Variants in PCDH15 observed in about 807,000 individuals in gnomAD.
The protein encoded by PCDH15 is protocadherin-15.
PCDH15 carries 129 observed loss-of-function variants against 178.5 expected under a neutral mutation model. The observed-to-expected ratio is 0.72, with a 90% CI of 0.63 to 0.84. PCDH15 has a LOEUF of 0.84. PCDH15 is among the 40% of genes least tolerant of loss of function. The pLI, the probability that PCDH15 is intolerant of heterozygous loss-of-function variation, is 0.00. For missense variants in PCDH15, 2,230 were observed against 2,099.9 expected (o/e 1.06, Z -1.21); for synonymous variants, 800 against 732.0 (o/e 1.09, Z -1.50).
At chr10:54,604,596 C>G (rs557415418) in intron 2 of PCDH15, among the ~76,000 whole-genome samples, 1 of 151,610 alleles carries the variant, frequency 6.6e-6, no homozygotes, top group Non-Finnish European at 1.5e-5. Flanking sequence ...ATTCTGCTTT[C>G]TTTTCATTAC....
chr10:54,268,935 A>T (rs2057874212), intron 8 of PCDH15, among the ~76,000 whole-genome samples: 1 of 151,560 alleles, frequency 6.6e-6, no homozygotes, highest in African/African-American at 2.4e-5. Flanking sequence ...CATATCTGAC[A>T]TTTTCATCTC....
chr10:54,338,108 A>G (rs565809488), intron 6 of PCDH15, among the ~76,000 whole-genome samples: 18 of 152,182 alleles, frequency 1.2e-4, no homozygotes, highest in African/African-American at 4.1e-4. Context: ...ATTCCATCCA[A>G]CTTCCAAGGA....
At chr10:54,097,152 A>T (rs2102356) in intron 15 of PCDH15, among the ~76,000 whole-genome samples, 4 of 151,992 alleles carry the variant, frequency 2.6e-5, no homozygotes, top group African/African-American at 4.8e-5. Context: ...ACCATTTTCA[A>T]TGCAGCATCC....
intron 21 of PCDH15, among the ~76,000 whole-genome samples, chr10:53,974,337 C>T (rs1026779021): frequency 1.3e-5 from 2 of 152,086 alleles, no homozygotes; most frequent in Non-Finnish European, 2.9e-5. Context: ...CAATTTAAAA[C>T]AAATCTCTAG....
At chr10:54,903,334 C>A (rs1174424986) in intron 2 of PCDH15, among the ~76,000 whole-genome samples, 2 of 152,088 alleles carry the variant, frequency 1.3e-5, no homozygotes, top group Non-Finnish European at 2.9e-5. Context: ...AAGCATTACT[C>A]ATTACCTTTA....
At chr10:54,837,770 C>T (rs1203936194) in intron 3 of PCDH15, among the ~76,000 whole-genome samples, 3 of 152,032 alleles carry the variant, frequency 2.0e-5, no homozygotes, top group Non-Finnish European at 2.9e-5. Context: ...GCTTTGGAAT[C>T]GAGATACAAG....
At chr10:54,501,018 C>T (rs2080628299) in intron 3 of PCDH15, among the ~76,000 whole-genome samples, 4 of 151,932 alleles carry the variant, frequency 2.6e-5, no homozygotes, top group Admixed American at 2.6e-4. Flanking sequence ...TGTTCTCACT[C>T]ATAAGTGGGA....
intron 15 of PCDH15, among the ~76,000 whole-genome samples, chr10:54,104,763 G>C (rs2094878290): frequency 6.8e-6 from 1 of 146,230 alleles, no homozygotes; most frequent in Admixed American, 7.1e-5. Context: ...CATGAACCCA[G>C]GAGGTGGAGC....
intron 1 of PCDH15, among the ~76,000 whole-genome samples, chr10:54,752,314 A>T (rs1456373644): frequency 1.3e-5 from 2 of 151,344 alleles, no homozygotes; most frequent in African/African-American, 4.9e-5. Flanking sequence ...GTCTCTACTA[A>T]AAATTACAAA....
chr10:54,879,949 GA>G lies in PCDH15; in HGVS notation c.-29+17500del, dbSNP rs917663852. On this transcript the variant is annotated intron_variant, in intron 3 of 5. Coordinates refer to the PCDH15 transcript ENST00000458638. ...GCTTCAAATCTCATTAAAAGTAAAA[GA>G]AAAAAAATTAGAGATTCGGCTAAAG... Among the ~76,000 whole-genome samples, 259 of 151,630 alleles carry G rather than the reference GA, an allele frequency of 1.7e-3. 6 individuals are homozygous for G. The highest frequency in any genetic ancestry group is 3.4e-3 in the African/African-American group (140 of 41,372).
At chr10:53,812,022 C>T (rs1469886500) in intron 35 of PCDH15, among the ~76,000 whole-genome samples, 2 of 151,994 alleles carry the variant, frequency 1.3e-5, no homozygotes, top group Non-Finnish European at 2.9e-5. Flanking sequence ...AAAATTATAA[C>T]ACTATCTACA....
chr10:54,807,989 A>G (rs1027791720), intron 3 of PCDH15, among the ~76,000 whole-genome samples: 2 of 151,890 alleles, frequency 1.3e-5, no homozygotes, highest in African/African-American at 2.4e-5. Flanking sequence ...TAAAATTTAT[A>G]TAAATTTTAT....
At chr10:54,514,174 A>G (rs962493047) in intron 3 of PCDH15, among the ~76,000 whole-genome samples, 1 of 152,244 alleles carries the variant, frequency 6.6e-6, no homozygotes, top group South Asian at 2.1e-4. Context: ...CTGAACAACT[A>G]TATCACAGAA....
At chr10:54,625,615 G>A (rs1425494688) in intron 2 of PCDH15, among the ~76,000 whole-genome samples, 1 of 152,072 alleles carries the variant, frequency 6.6e-6, no homozygotes, top group Non-Finnish European at 1.5e-5. Flanking sequence ...GCTCCTCCTT[G>A]CCTTCCACCA....
intron 2 of PCDH15, among the ~76,000 whole-genome samples, chr10:55,596,940 G>A (rs1002248226): frequency 6.6e-6 from 1 of 152,162 alleles, no homozygotes; most frequent in African/African-American, 2.4e-5. Flanking sequence ...TATAAAGCTT[G>A]TGCAGAGCAA....
chr10:54,325,160 ACT>A (rs1245947486), intron 7 of PCDH15, among the ~76,000 whole-genome samples: 1 of 152,074 alleles, frequency 6.6e-6, no homozygotes, highest in Non-Finnish European at 1.5e-5. Flanking sequence ...GTCAGTCAAA[ACT>A]CAATTACCTT....
intron 1 of PCDH15, among the ~76,000 whole-genome samples, chr10:54,728,950 C>A (rs559913574): frequency 2.7e-3 from 405 of 151,520 alleles, no homozygotes; most frequent in Non-Finnish European, 4.3e-3. Flanking sequence ...AAATACATAC[C>A]ATGCTCATGG....
At chr10:55,494,378 G>C (rs1840487126) in intron 2 of PCDH15, among the ~76,000 whole-genome samples, 1 of 151,718 alleles carries the variant, frequency 6.6e-6, no homozygotes, top group East Asian at 2.0e-4. Flanking sequence ...TGTGTCCCCT[G>C]TAAACCACAA....
At chr10:55,582,634 T>TTTTTTTTTGCTATA (rs1842646445) in intron 2 of PCDH15, among the ~76,000 whole-genome samples, 1 of 134,062 alleles carries the variant, frequency 7.5e-6, no homozygotes, top group African/African-American at 3.1e-5. Flanking sequence ...ATATATTTTT[T>TTTTTTTTTGCTATA]TTTTTTTGCT....
Sources: gnomAD v4.1 joint callset for allele counts (sites outside exome capture counted in the v4.1 genomes callset) on GRCh38, gnomAD v4.1.1 for gene constraint, MANE v1.5 for transcripts, NCBI Gene and HGNC (gene_info 2026-07-23, HGNC 2026-07-21) for gene names.